Variants in PTPRM observed in about 807,000 individuals in gnomAD.
PTPRM encodes receptor-type tyrosine-protein phosphatase mu.
Under a neutral mutation model 186.7 loss-of-function variants are expected in PTPRM, and 47 were observed. The ratio of observed to expected loss-of-function variants is 0.25; its 90% CI spans 0.20 to 0.32. PTPRM has a LOEUF of 0.32. PTPRM is among the 10% of genes least tolerant of loss of function. PTPRM has a pLI of 1.00. For missense variants in PTPRM, 1,494 were observed against 1,865.0 expected, an observed-to-expected ratio of 0.80 and a Z score of 3.66; for synonymous variants, 668 against 674.9, an observed-to-expected ratio of 0.99 and a Z score of 0.16.
intron 3 of PTPRM, among the ~76,000 whole-genome samples, chr18:7,903,597 A>G (rs1412827710): frequency 6.6e-6 from 1 of 152,230 alleles, no homozygotes; most frequent in Non-Finnish European, 1.5e-5. Flanking sequence ...GTCCCATTGC[A>G]GGAATATCCG....
intron 1 of PTPRM, among the ~76,000 whole-genome samples, chr18:7,647,543 G>T (rs894586714): frequency 5.3e-5 from 8 of 152,170 alleles, no homozygotes; most frequent in African/African-American, 1.9e-4. Context: ...GTGAAATTTT[G>T]GTTCTACTTT....
chr18:8,292,474 C>T (rs1350778088), intron 19 of PTPRM, among the ~76,000 whole-genome samples: 1 of 152,104 alleles, frequency 6.6e-6, no homozygotes, highest in Non-Finnish European at 1.5e-5. Flanking sequence ...GGGAAATTGG[C>T]TATATAATTG....
intron 7 of PTPRM, among the ~76,000 whole-genome samples, chr18:8,049,595 G>A (rs2087317763): frequency 6.6e-6 from 1 of 151,976 alleles, no homozygotes; most frequent in South Asian, 2.1e-4. Flanking sequence ...CATGTTAATG[G>A]GATGAGATAT....
intron 1 of PTPRM, among the ~76,000 whole-genome samples, chr18:7,576,611 G>A (rs2036694099): frequency 6.6e-6 from 1 of 152,094 alleles, no homozygotes; most frequent in Admixed American, 6.6e-5. Flanking sequence ...GAGCAGCTGG[G>A]TCCATAGGCA....
chr18:7,938,697 ATGT>A (rs1319133715), intron 5 of PTPRM, among the ~76,000 whole-genome samples: 1 of 152,214 alleles, frequency 6.6e-6, no homozygotes, highest in Non-Finnish European at 1.5e-5. Context: ...TTATTAAATG[ATGT>A]TATTCAGCTA....
chr18:8,116,302 G>A (rs902413846), intron 13 of PTPRM, among the ~76,000 whole-genome samples: 4 of 152,284 alleles, frequency 2.6e-5, no homozygotes, highest in South Asian at 2.1e-4. Flanking sequence ...AACGTTTAAC[G>A]TCACAGCTGA....
At chr18:7,611,844 A>G (rs2037683037) in intron 1 of PTPRM, among the ~76,000 whole-genome samples, 1 of 152,138 alleles carries the variant, frequency 6.6e-6, no homozygotes, top group Admixed American at 6.5e-5. Flanking sequence ...AGACTTCCCC[A>G]ACTGTGTGGA....
intron 11 of PTPRM, among the ~76,000 whole-genome samples, chr18:8,111,027 G>A (rs752937272): frequency 6.6e-5 from 10 of 152,158 alleles, no homozygotes; most frequent in Non-Finnish European, 1.5e-4. Flanking sequence ...TGGCTCTGCT[G>A]TCAGACCACC....
chr18:7,710,761 C>G (rs767024724), intron 1 of PTPRM, among the ~76,000 whole-genome samples: 15 of 152,104 alleles, frequency 9.9e-5, no homozygotes, highest in Non-Finnish European at 1.9e-4. Context: ...AATGATCAAG[C>G]TGAGAATAAC....
Position 7,611,575 on chromosome 18 carries a change from G to A in PTPRM, c.73+43684G>A, listed in dbSNP as rs371293818. Among the ~76,000 whole-genome samples, 12 of 152,310 alleles carry A rather than the reference G, an allele frequency of 7.9e-5. No homozygotes were observed. The East Asian group carries it at 1.9e-3, about 25-fold the overall frequency. On this transcript the variant is annotated intron_variant, in intron 1 of 32. Coordinates refer to ENST00000580170, the MANE Select transcript of PTPRM (RefSeq NM_001105244.2). ...GGAGCAATAGGCCATACCAGCCTAG[G>A]GGTATAGTAGGCTTGATATGGTTAG...
intron 14 of PTPRM, among the ~76,000 whole-genome samples, chr18:8,174,882 C>T (rs545190897): frequency 1.4e-4 from 22 of 152,334 alleles, no homozygotes; most frequent in African/African-American, 4.6e-4. Flanking sequence ...ACATGGTCCA[C>T]GCATTTGTCT....
chr18:8,063,522 A>G (rs1359052000), intron 7 of PTPRM, among the ~76,000 whole-genome samples: 1 of 152,206 alleles, frequency 6.6e-6, no homozygotes, highest in Non-Finnish European at 1.5e-5. Context: ...AGAATAAAAT[A>G]TGACATGTTA....
intron 19 of PTPRM, among the ~76,000 whole-genome samples, chr18:8,267,392 A>C (rs1293049444): frequency 6.6e-6 from 1 of 152,026 alleles, no homozygotes; most frequent in African/African-American, 2.4e-5. Context: ...GTTTTCTTTT[A>C]AGAGAAAAAT....
intron 14 of PTPRM, among the ~76,000 whole-genome samples, chr18:8,232,828 CA>C (rs1412474710): frequency 6.6e-6 from 1 of 152,158 alleles, no homozygotes; most frequent in South Asian, 2.1e-4. Context: ...AAGAAGGGGT[CA>C]GGGGGCACCT....
chr18:8,251,748 A>T (rs2094530056), intron 17 of PTPRM: 1 of 152,252 alleles, frequency 6.6e-6, no homozygotes, highest in Non-Finnish European at 1.5e-5. Flanking sequence ...GGCCCTGCTC[A>T]TCAAGCACCC....
intron 2 of PTPRM, among the ~76,000 whole-genome samples, chr18:7,834,507 C>CAT (rs952973504): frequency 4.7e-4 from 68 of 143,318 alleles, no homozygotes; most frequent in Admixed American, 2.2e-3. Context: ...CACACACACA[C>CAT]ACACACACAC....
In PTPRM at chr18:8,378,301, G is replaced by A. The variant is rs2095709351; in HGVS notation, c.3499G>A (p.Ala1167Thr). 1.2e-6 allele frequency: 2 copies of A among 1,612,862 alleles called. No homozygotes were observed. Among genetic ancestry groups the A allele is most frequent in the East Asian group, 2.2e-5 (1 of 44,880 alleles). Reference protein sequence around the residue: ...YVFIHDAILEACLCGDTSVPA... With the variant: ...YVFIHDAILETCLCGDTSVPA... ...GTTTATCCACGATGCGATCCTGGAA[G>A]CCTGTCTTTGTGGGGACACCTCTGT... The change falls in exon 27 of 33, where the codon GCC becomes ACC. Residue 1167 changes from alanine (A) to threonine (T), a missense_variant. By Grantham distance (58) the Ala-to-Thr change is moderately conservative. This residue lies in a region of PTPRM where 1,107 missense variants were observed against 1,350.2 expected (regional missense o/e 0.82). Transcript: ENST00000580170.
At chr18:8,322,399 A>G (rs2095351125) in intron 22 of PTPRM, among the ~76,000 whole-genome samples, 1 of 152,162 alleles carries the variant, frequency 6.6e-6, no homozygotes, top group South Asian at 2.1e-4. Flanking sequence ...TAGTATTAAT[A>G]TGTTCTTCCT....
intron 1 of PTPRM, among the ~76,000 whole-genome samples, chr18:7,729,857 GATAAA>G (rs1161939770): frequency 1.3e-5 from 2 of 152,058 alleles, no homozygotes; most frequent in Non-Finnish European, 2.9e-5. Flanking sequence ...TTATCTTAAT[GATAAA>G]ATAATGAATT....
Sources: allele counts gnomAD v4.1 joint callset (sites outside exome capture counted in the v4.1 genomes callset), GRCh38; gene constraint gnomAD v4.1.1; regional missense constraint gnomAD v4.1.1; transcripts MANE v1.5; gene names NCBI Gene and HGNC (gene_info 2026-07-23, HGNC 2026-07-21).